GULP1: variants seen among roughly 807,000 people sequenced by gnomAD.
GULP1 encodes the protein GULP PTB domain containing engulfment adaptor 1, also known as PTB domain-containing engulfment adapter protein 1.
A neutral mutation model predicts 40.9 loss-of-function variants in GULP1; 19 were observed. The observed-to-expected ratio is 0.46, with a 90% CI of 0.32 to 0.68. GULP1 has a LOEUF of 0.68. Ranked by LOEUF, GULP1 falls within the 30% of genes least tolerant of loss-of-function variation. The pLI is 0.03. For synonymous variants in GULP1, 119 were observed against 117.6 expected (o/e 1.01, Z -0.08); for missense variants, 312 against 362.2 (o/e 0.86, Z 1.12).
chr2:188,571,242 C>T (rs1004412752), intron 9 of GULP1, among the ~76,000 whole-genome samples: 14 of 152,134 alleles, frequency 9.2e-5, no homozygotes, highest in Admixed American at 5.9e-4. Context: ...GCTTATTGTG[C>T]TTCAATACGT....
At chr2:188,417,657 G>A (rs1023814855) in intron 2 of GULP1, among the ~76,000 whole-genome samples, 1 of 152,128 alleles carries the variant, frequency 6.6e-6, no homozygotes, top group African/African-American at 2.4e-5. Flanking sequence ...AATTTTGACT[G>A]CATGGAAACA....
intron 4 of GULP1, among the ~76,000 whole-genome samples, chr2:188,491,217 G>A (rs2062356297): frequency 1.3e-5 from 2 of 151,920 alleles, no homozygotes; most frequent in South Asian, 2.1e-4. Flanking sequence ...GAGACTTAAG[G>A]ATCTGAGCAG....
chr2:188,484,886 C>T (rs2061730878), intron 4 of GULP1, among the ~76,000 whole-genome samples: 1 of 152,020 alleles, frequency 6.6e-6, no homozygotes, highest in South Asian at 2.1e-4. Flanking sequence ...CACTGCAGTG[C>T]TTATGAATTT....
chr2:188,406,446 G>A (rs2053113609), intron 2 of GULP1, among the ~76,000 whole-genome samples: 1 of 151,558 alleles, frequency 6.6e-6, no homozygotes, highest in South Asian at 2.1e-4. Flanking sequence ...TGAAGTTGAA[G>A]AAAAAACAAA....
chr2:188,332,703 A>G (rs1016990347), intron 1 of GULP1, among the ~76,000 whole-genome samples: 1 of 152,012 alleles, frequency 6.6e-6, no homozygotes, highest in Non-Finnish European at 1.5e-5. Flanking sequence ...GTCTTATCCA[A>G]GCAGATGTGG....
chr2:188,574,037 C>A (rs2153440832), intron 9 of GULP1, among the ~76,000 whole-genome samples: 1 of 152,232 alleles, frequency 6.6e-6, no homozygotes, highest in South Asian at 2.1e-4. Flanking sequence ...CAAATATATA[C>A]TTATAAGCAC....
intron 6 of GULP1, among the ~76,000 whole-genome samples, chr2:188,530,509 G>T (rs75491054): frequency 0.039 from 5,962 of 152,226 alleles, 268 homozygotes; most frequent in African/African-American, 0.1. Context: ...CCTTCAAAGA[G>T]GTAACTTAGG....
At chr2:188,451,553 C>T (rs1258287793) in intron 2 of GULP1, among the ~76,000 whole-genome samples, 1 of 152,116 alleles carries the variant, frequency 6.6e-6, no homozygotes, top group Non-Finnish European at 1.5e-5. Context: ...TATTTTCCAG[C>T]ACTCAAAATG....
chr2:188,584,469 A>G (rs60894296), intron 10 of GULP1, 66 bp downstream of exon 10: 13,579 of 818,904 alleles, frequency 0.017, 157 homozygotes, highest in Non-Finnish European at 0.021. Flanking sequence ...TATAATTAAG[A>G]CTTTGTGGGA....
intron 2 of GULP1, among the ~76,000 whole-genome samples, chr2:188,445,759 A>G (rs1559249686): frequency 6.6e-6 from 1 of 152,134 alleles, no homozygotes; most frequent in Non-Finnish European, 1.5e-5. Flanking sequence ...AATCTTATTC[A>G]TGTTCTATTA....
chr2:188,384,911 G>A lies in GULP1; in HGVS notation c.-45+1022G>A, dbSNP rs376943124. Among the ~76,000 whole-genome samples, 21 of 152,276 alleles carry A rather than the reference G, an allele frequency of 1.4e-4. No homozygotes were observed. The South Asian group carries it at 1.7e-3, about 12-fold the overall frequency. On this transcript the variant is annotated intron_variant, in intron 2 of 11. Coordinates refer to ENST00000409830, the MANE Select transcript of GULP1 (RefSeq NM_016315.4). ...AGTTCCCATGGTCTTGGGCAGCTGCGCCTCTGTGGCTTTGCAGGGTATAGC... is the reference window on the plus strand; with the variant it reads ...AGTTCCCATGGTCTTGGGCAGCTGCACCTCTGTGGCTTTGCAGGGTATAGC...
intron 5 of GULP1, among the ~76,000 whole-genome samples, chr2:188,526,214 A>G (rs1686126147): frequency 6.6e-6 from 1 of 152,124 alleles, no homozygotes; most frequent in Non-Finnish European, 1.5e-5. Context: ...ATCCTTCCCC[A>G]TCATTTTATG....
At chr2:188,350,597 A>G (rs984053044) in intron 1 of GULP1, among the ~76,000 whole-genome samples, 1 of 151,946 alleles carries the variant, frequency 6.6e-6, no homozygotes, top group Non-Finnish European at 1.5e-5. Flanking sequence ...ATTTCTATAT[A>G]TGGGATCTTG....
intron 2 of GULP1, among the ~76,000 whole-genome samples, chr2:188,399,454 T>A (rs2051783684): frequency 1.3e-5 from 2 of 151,936 alleles, no homozygotes; most frequent in Admixed American, 1.3e-4. Flanking sequence ...AGAGAGTAGG[T>A]CCCAAAGGCA....
chr2:188,589,730 TG>T, intron 11 of GULP1: 1 of 1,388,252 alleles, frequency 7.2e-7, no homozygotes, highest in Non-Finnish European at 9.6e-7. Context: ...ACTGCTTTCA[TG>T]GTGGGTAGCG....
At position 188,440,247 on chromosome 2, in the gene GULP1, G is replaced by T. The variant is rs145941313; in HGVS notation, c.-44-37412G>T. 4.9e-3 allele frequency among the ~76,000 whole-genome samples: 739 copies of T among 152,330 alleles called. 6 individuals are homozygous for T. The highest frequency in any genetic ancestry group is 0.016 in the African/African-American group (673 of 41,574). On this transcript the variant is annotated intron_variant, in intron 2 of 11. Coordinates refer to ENST00000409830, the MANE Select transcript of GULP1 (RefSeq NM_016315.4). ...GTCATTTTGCATCAGCCTGAGGGCA[G>T]AGAGGATAACTGTTAAAGCTTCTTT...
At chr2:188,557,835 T>G (rs142847142) in intron 7 of GULP1, among the ~76,000 whole-genome samples, 1 of 152,236 alleles carries the variant, frequency 6.6e-6, no homozygotes, top group Non-Finnish European at 1.5e-5. Context: ...CCAAAGCTTA[T>G]GACTTGCACC....
At chr2:188,412,140 A>G (rs1435762623) in intron 2 of GULP1, among the ~76,000 whole-genome samples, 1 of 152,088 alleles carries the variant, frequency 6.6e-6, no homozygotes, top group Non-Finnish European at 1.5e-5. Flanking sequence ...GCCTCAGGAA[A>G]CTTATAGTCA....
At chr2:188,335,370 G>A (rs1318704485) in intron 1 of GULP1, among the ~76,000 whole-genome samples, 2 of 151,854 alleles carry the variant, frequency 1.3e-5, no homozygotes, top group Admixed American at 1.3e-4. Flanking sequence ...TCTCTACTGG[G>A]CCCTTTCAGA....
Sources: allele counts gnomAD v4.1 joint callset (sites outside exome capture counted in the v4.1 genomes callset), GRCh38; gene constraint gnomAD v4.1.1; transcripts MANE v1.5; gene names NCBI Gene and HGNC (gene_info 2026-07-23, HGNC 2026-07-21).